Variants in PRRC2B observed in about 807,000 individuals in gnomAD.
PRRC2B encodes protein PRRC2B.
PRRC2B carries 68 observed loss-of-function variants against 242.3 expected under a neutral mutation model. The observed-to-expected ratio is 0.28, with a 90% confidence interval of 0.23 to 0.34. The LOEUF (loss-of-function observed/expected upper bound fraction) is 0.34. PRRC2B is among the 10% of genes least tolerant of loss of function. The pLI, the probability that PRRC2B is intolerant of heterozygous loss-of-function variation, is 1.00. For missense variants in PRRC2B, 2,835 were observed against 2,954.8 expected (o/e 0.96, Z 0.94); for synonymous variants, 1,228 against 1,173.6 (o/e 1.05, Z -0.95).
chr9:131,411,970 AT>A (rs5900936), intron 1 of PRRC2B, among the ~76,000 whole-genome samples: 118,854 of 146,030 alleles, frequency 0.81, 48,843 homozygotes, highest in East Asian at 0.99. Flanking sequence ...CAGCTAATTA[AT>A]TTTTTTTTTT....
At chr9:131,378,184 C>T (rs1836709895) in intron 1 of PRRC2B, among the ~76,000 whole-genome samples, 1 of 151,938 alleles carries the variant, frequency 6.6e-6, no homozygotes, top group Non-Finnish European at 1.5e-5. Context: ...TGGTACCCAC[C>T]TGTAATCCCA....
intron 13 of PRRC2B, among the ~76,000 whole-genome samples, chr9:131,468,161 T>C (rs555909883): frequency 6.6e-6 from 1 of 152,254 alleles, no homozygotes; most frequent in East Asian, 1.9e-4. Flanking sequence ...CCTCCCAAGG[T>C]GTAAGGGAGG....
intron 29 of PRRC2B, 104 bp downstream of exon 29, chr9:131,491,684 T>C: frequency 8.8e-7 from 1 of 1,132,074 alleles, no homozygotes; most frequent in African/African-American, 1.6e-5. Flanking sequence ...GCCAGTGGCG[T>C]GGGACTGCCA....
intron 9 of PRRC2B, among the ~76,000 whole-genome samples, chr9:131,454,871 T>C (rs1199187362): frequency 1.3e-5 from 2 of 149,392 alleles, no homozygotes; most frequent in African/African-American, 2.6e-5. Context: ...CCTGACCTCA[T>C]GATCCGCCCA....
intron 1 of PRRC2B, among the ~76,000 whole-genome samples, chr9:131,376,429 T>C (rs963965883): frequency 1.3e-5 from 2 of 151,012 alleles, no homozygotes; most frequent in Non-Finnish European, 2.9e-5. Context: ...TAGTAGAGTC[T>C]CAGTAAACAG....
At position 131,465,462 on chromosome 9, in the gene PRRC2B, A is replaced by G. The variant is rs573154105; in HGVS notation, c.1720+384A>G. ...TCACCTCTCTGAAGCCTGTTTCTTC[A>G]TCTGTGAAATGGGATGAGTATGTAC... On this transcript the variant is annotated intron_variant, in intron 12 of 31. Transcript: ENST00000683519. Among the ~76,000 whole-genome samples, 5 of 152,168 alleles carry G rather than the reference A, an allele frequency of 3.3e-5. No individual in the cohort carries two copies. The South Asian group carries it at 1.0e-3, about 32-fold the overall frequency.
intron 11 of PRRC2B, among the ~76,000 whole-genome samples, chr9:131,461,829 C>T (rs1943251334): frequency 6.6e-6 from 1 of 152,172 alleles, no homozygotes; most frequent in South Asian, 2.1e-4. Context: ...GCCCGGCCTG[C>T]TCTTTGCTAT....
intron 1 of PRRC2B, among the ~76,000 whole-genome samples, chr9:131,399,056 A>G (rs576586859): frequency 7.3e-4 from 111 of 151,996 alleles, no homozygotes; most frequent in Middle Eastern, 3.4e-3. Context: ...TGGGCGGATC[A>G]CCTGAGGTCA....
At chr9:131,454,074 A>T (rs571436751) in intron 9 of PRRC2B, among the ~76,000 whole-genome samples, 3 of 152,262 alleles carry the variant, frequency 2.0e-5, no homozygotes, top group African/African-American at 7.2e-5. Flanking sequence ...TCTACTTTCC[A>T]TCTCTATAGA....
intron 1 of PRRC2B, among the ~76,000 whole-genome samples, chr9:131,402,501 G>A (rs1434456104): frequency 1.3e-5 from 2 of 152,122 alleles, no homozygotes; most frequent in Admixed American, 6.5e-5. Flanking sequence ...TTCAGCGACG[G>A]GCAGCAGCCT....
intron 1 of PRRC2B, among the ~76,000 whole-genome samples, chr9:131,380,900 G>T (rs1165530308): frequency 3.4e-5 from 2 of 59,474 alleles, no homozygotes; most frequent in Non-Finnish European, 8.0e-5. Context: ...AAAAAAAAAA[G>T]AGTGATTTGT....
intron 28 of PRRC2B, among the ~76,000 whole-genome samples, chr9:131,490,051 A>G (rs1370913178): frequency 1.3e-5 from 2 of 152,030 alleles, no homozygotes; most frequent in Non-Finnish European, 2.9e-5. Flanking sequence ...CTCACTCCCA[A>G]ATGGACATCT....
At chr9:131,452,404 G>A (rs761998323) in intron 9 of PRRC2B, among the ~76,000 whole-genome samples, 3 of 152,160 alleles carry the variant, frequency 2.0e-5, no homozygotes, top group Non-Finnish European at 2.9e-5. Flanking sequence ...TTAGTTATGA[G>A]ACTGTGCAGT....
chr9:131,376,392 A>C (rs1289963761), intron 1 of PRRC2B, among the ~76,000 whole-genome samples: 1 of 151,578 alleles, frequency 6.6e-6, no homozygotes, highest in Admixed American at 6.6e-5. Context: ...ACATGCATGT[A>C]GCATGCTTAG....
chr9:131,427,520 A>C (rs1013434178), intron 1 of PRRC2B, among the ~76,000 whole-genome samples: 1 of 152,002 alleles, frequency 6.6e-6, no homozygotes, highest in African/African-American at 2.4e-5. Flanking sequence ...TTAGTAGAGA[A>C]GGGGTTTCAC....
intron 1 of PRRC2B, among the ~76,000 whole-genome samples, chr9:131,423,940 C>T (rs567265120): frequency 2.6e-4 from 33 of 127,704 alleles, no homozygotes; most frequent in African/African-American, 6.7e-4. Flanking sequence ...CTTTCTGCTA[C>T]GTTTTTTTTT....
At chr9:131,380,020 TCTCA>T (rs1836736036) in intron 1 of PRRC2B, among the ~76,000 whole-genome samples, 1 of 147,338 alleles carries the variant, frequency 6.8e-6, no homozygotes, top group Non-Finnish European at 1.5e-5. Flanking sequence ...TGAGATGGAA[TCTCA>T]CTCTGTCGCC....
At position 131,457,851 on chromosome 9, in the gene PRRC2B, C is replaced by T. The variant is rs78341386; in HGVS notation, c.1212-1313C>T. 3.7e-3 allele frequency among the ~76,000 whole-genome samples: 557 copies of T among 152,088 alleles called. 2 individuals carry two copies. Among genetic ancestry groups the T allele is most frequent in the African/African-American group, 0.013 (542 of 41,478 alleles). On this transcript the variant is annotated intron_variant, in intron 10 of 31. Transcript: ENST00000683519. ...CGTTGTCCCCTCTGTAATTGTTGTC[C>T]CCTCTGTAATTTTCCCCTCTGTAAT...
In PRRC2B at chr9:131,475,233, C is replaced by T; in HGVS notation, c.3104C>T (p.Pro1035Leu). ...GACAAGGCCTGGGAAGCCAGACCCC[C>T]ACGAGAGTCCAGCGATGTTCCCCCC... ...KPDKAWEARP[P>L]RESSDVPPMK... Residue 1035 changes from proline to leucine, a missense_variant, in exon 16 of 32, where the codon CCA (proline) becomes CTA (leucine). Physicochemically the swap from Pro to Leu is moderately conservative, Grantham distance 98 (BLOSUM62 -3). This residue lies in a region of PRRC2B where 1,536 missense variants were observed against 1,483.1 expected (regional missense o/e 1.04). Transcript: ENST00000683519. 6.2e-7 allele frequency: 1 copy of T among 1,613,760 alleles called. No homozygotes were observed.
Sources: allele counts gnomAD v4.1 joint callset (sites outside exome capture counted in the v4.1 genomes callset), GRCh38; gene constraint gnomAD v4.1.1; regional missense constraint gnomAD v4.1.1; transcripts MANE v1.5; gene names NCBI Gene and HGNC (gene_info 2026-07-23, HGNC 2026-07-21).